The following GFM1 variants were observed in gnomAD, a reference collection of about 807,000 sequenced individuals.
The protein encoded by GFM1 is elongation factor G, mitochondrial.
Under a neutral mutation model 96.2 loss-of-function variants are expected in GFM1, and 62 were observed. The observed-to-expected ratio is 0.64, with a 90% CI of 0.53 to 0.80. The LOEUF is 0.80. Among genes scored for constraint, GFM1 ranks in the 30% least tolerant of loss-of-function variants. GFM1 has a pLI of 0.00. For synonymous variants in GFM1, 282 were observed against 312.9 expected (o/e 0.90, Z 1.04); for missense variants, 852 against 916.6 (o/e 0.93, Z 0.91).
At chr3:158,650,290 G>A in intron 5 of GFM1, 1 of 530,122 alleles carries the variant, frequency 1.9e-6, no homozygotes, top group Non-Finnish European at 3.4e-6. Flanking sequence ...CTATGTCCCA[G>A]CCCCTAGAAC....
At position 158,666,370 on chromosome 3, in the gene GFM1, A is replaced by G. The variant is rs754010121; in HGVS notation, c.1585A>G (p.Ile529Val). 3.6e-5 allele frequency: 58 copies of G among 1,613,408 alleles called. No individual in the cohort carries two copies. Among genetic ancestry groups the G allele is most frequent in the South Asian group, 1.2e-4 (11 of 91,060 alleles). ...GCCAAAAGTTGCCTTTCGAGAGACC[A>G]TTACTGCCCCTGTCCCGTAAGTATG... ...GKPKVAFRETITAPVPFDFTH... is the reference protein window; with the variant it reads ...GKPKVAFRETVTAPVPFDFTH... The change falls in exon 13 of 18, where the codon ATT becomes GTT. Residue 529 changes from isoleucine (I) to valine (V), a missense_variant. Transcript: ENST00000486715.
At chr3:158,658,532 CCTA>C (rs1336571960) in intron 8 of GFM1, among the ~76,000 whole-genome samples, 1 of 152,164 alleles carries the variant, frequency 6.6e-6, no homozygotes, top group African/African-American at 2.4e-5. Flanking sequence ...ATAGCACACA[CCTA>C]CTGTTTCTAA....
intron 13 of GFM1, among the ~76,000 whole-genome samples, chr3:158,670,175 C>T (rs1021490489): frequency 3.3e-5 from 5 of 152,186 alleles, no homozygotes; most frequent in Admixed American, 3.3e-4. Flanking sequence ...GGCTGTGGTA[C>T]AGATTGCAGT....
chr3:158,659,937 C>T (rs756971386), intron 9 of GFM1, among the ~76,000 whole-genome samples: 1 of 152,172 alleles, frequency 6.6e-6, no homozygotes, highest in Non-Finnish European at 1.5e-5. Flanking sequence ...ATTTGTACAG[C>T]TGTGTCACCA....
intron 13 of GFM1, chr3:158,672,223 G>T: frequency 8.7e-7 from 1 of 1,148,112 alleles, no homozygotes; most frequent in Non-Finnish European, 1.2e-6. Context: ...TACCAGCAGT[G>T]TGTCCTAAAA....
At chr3:158,678,846 G>A (rs912325401) in intron 13 of GFM1, among the ~76,000 whole-genome samples, 3 of 152,214 alleles carry the variant, frequency 2.0e-5, no homozygotes, top group African/African-American at 4.8e-5. Flanking sequence ...AAAGTCAATC[G>A]ATGTGGCCAA....
Position 158,682,530 on chromosome 3 carries a change from G to C in GFM1, c.1764+373G>C, listed in dbSNP as rs1254752226. ...AGATTCCCAACACCTGGGTGCTACTGTCTCATGTCTACTACTGATTAATAT... is the reference window on the plus strand; with the variant it reads ...AGATTCCCAACACCTGGGTGCTACTCTCTCATGTCTACTACTGATTAATAT... On this transcript the variant is annotated intron_variant, in intron 14 of 17. Coordinates refer to ENST00000486715, the MANE Select transcript of GFM1 (RefSeq NM_024996.7). The C allele has an allele frequency of 1.2e-5, 3 of 241,696 alleles. No homozygotes were observed. In the Admixed American group the frequency reaches 1.5e-4, roughly 12 times the overall value. 15.0% of individuals were successfully genotyped at this position (241,696 alleles called of 1,614,324 possible). A position where few individuals can be genotyped will look rare whatever the true frequency, so the allele number is the denominator to read the frequency against.
At chr3:158,683,749 A>T (rs1725603826) in intron 14 of GFM1, among the ~76,000 whole-genome samples, 1 of 152,166 alleles carries the variant, frequency 6.6e-6, no homozygotes, top group Non-Finnish European at 1.5e-5. Flanking sequence ...ATGATGGGTT[A>T]TGAGTAATTG....
chr3:158,646,074 C>A, intron 2 of GFM1, 91 bp from the exon 3 acceptor site: 1 of 1,500,568 alleles, frequency 6.7e-7, no homozygotes, highest in African/African-American at 1.4e-5. Context: ...TGAGCCACTG[C>A]ACCTGGCAAC....
intron 13 of GFM1, chr3:158,669,205 A>C (rs1296397045): frequency 6.9e-7 from 1 of 1,439,980 alleles, no homozygotes; most frequent in African/African-American, 1.5e-5. Flanking sequence ...TAAATTCTAA[A>C]TCATGTCTTA....
At chr3:158,675,871 C>T (rs902791098) in intron 13 of GFM1, among the ~76,000 whole-genome samples, 2 of 152,180 alleles carry the variant, frequency 1.3e-5, no homozygotes, top group Admixed American at 1.3e-4. Flanking sequence ...TATTCTTATA[C>T]ATTATAAAAT....
intron 13 of GFM1, chr3:158,667,176 C>T: frequency 2.5e-6 from 3 of 1,217,088 alleles, no homozygotes; most frequent in Non-Finnish European, 3.3e-6. Context: ...TATAATATTT[C>T]CATTTAGGTA....
chr3:158,658,475 A>G (rs1270629041), intron 8 of GFM1, among the ~76,000 whole-genome samples: 1 of 152,004 alleles, frequency 6.6e-6, no homozygotes, highest in East Asian at 1.9e-4. Flanking sequence ...CAGAACTCTT[A>G]CTCACATAAT....
At chr3:158,664,247 G>C (rs12629610) in intron 11 of GFM1, among the ~76,000 whole-genome samples, 1 of 152,326 alleles carries the variant, frequency 6.6e-6, no homozygotes, top group African/African-American at 2.4e-5. Context: ...CACAAACGTA[G>C]TGGCTTAAAA....
intron 11 of GFM1, among the ~76,000 whole-genome samples, chr3:158,663,395 T>A (rs1007839580): frequency 4.6e-5 from 7 of 152,234 alleles, no homozygotes; most frequent in African/African-American, 1.7e-4. Context: ...TTGAGTGAAC[T>A]TTTTATGATT....
chr3:158,662,668 T>G lies in GFM1; in HGVS notation c.1364T>G (p.Met455Arg). Residue 455 changes from methionine to arginine, a missense_variant, in exon 11 of 18, where the codon ATG becomes AGG. Physicochemically the swap from Met to Arg is moderately conservative, Grantham distance 91 (BLOSUM62 -1). Transcript: ENST00000486715. ...CCTGATCCTGTCATTTCAATAGCAA[T>G]GAAGCCTTCTAACAAGGTAGGAGTT... Reference protein sequence around the residue: ...HVPDPVISIAMKPSNKNDLEK... With the variant: ...HVPDPVISIARKPSNKNDLEK... The G allele has an allele frequency of 6.3e-7, 1 of 1,596,256 alleles. No homozygotes were observed. Among genetic ancestry groups the G allele is most frequent in the Non-Finnish European group, 8.6e-7 (1 of 1,164,192 alleles).
chr3:158,669,320 C>G, intron 13 of GFM1: 1 of 1,251,086 alleles, frequency 8.0e-7, no homozygotes, highest in Non-Finnish European at 1.1e-6. Flanking sequence ...AGTATTTTTG[C>G]AAAAGCCTGT....
intron 8 of GFM1, among the ~76,000 whole-genome samples, chr3:158,654,908 G>A (rs1258931532): frequency 3.3e-5 from 5 of 152,092 alleles, no homozygotes; most frequent in Non-Finnish European, 1.5e-5. Context: ...TAATGTCACA[G>A]TAGATAATGG....
At chr3:158,648,322 G>T (rs1264900672) in intron 4 of GFM1, among the ~76,000 whole-genome samples, 1 of 152,172 alleles carries the variant, frequency 6.6e-6, no homozygotes, top group South Asian at 2.1e-4. Context: ...AGACTAAACA[G>T]TGGTAGCTAG....
Sources: gnomAD v4.1 joint callset for allele counts (sites outside exome capture counted in the v4.1 genomes callset) on GRCh38, gnomAD v4.1.1 for gene constraint, MANE v1.5 for transcripts, NCBI Gene and HGNC (gene_info 2026-07-23, HGNC 2026-07-21) for gene names.